Variants in TAS2R1 observed in about 807,000 individuals in gnomAD.
TAS2R1 encodes the protein taste receptor type 2 member 1.
For missense variants in TAS2R1, 370 were observed against 353.4 expected, an observed-to-expected ratio of 1.05 and a Z score of -0.38; for synonymous variants, 141 against 134.2, an observed-to-expected ratio of 1.05 and a Z score of -0.35.
chr5:9,762,837 T>G, the TAS2R1 span, among the ~76,000 whole-genome samples: 2,441 of 152,250 alleles, frequency 0.016, 58 homozygotes, highest in African/African-American at 0.053. Flanking sequence ...ACTTAGGAAA[T>G]TATTCCACTG....
intron 1 of TAS2R1, among the ~76,000 whole-genome samples, chr5:9,688,315 C>G (rs980710289): frequency 6.6e-6 from 1 of 152,170 alleles, no homozygotes; most frequent in African/African-American, 2.4e-5. Context: ...CGCTCCCCCC[C>G]TCAATATTTT....
chr5:9,818,339 C>A, the TAS2R1 span, among the ~76,000 whole-genome samples: 1 of 152,230 alleles, frequency 6.6e-6, no homozygotes, highest in Non-Finnish European at 1.5e-5. Context: ...CATTATCTCT[C>A]TAGAGTATAT....
At chr5:9,879,586 C>A in the TAS2R1 span, among the ~76,000 whole-genome samples, 6 of 152,340 alleles carry the variant, frequency 3.9e-5, no homozygotes, top group Admixed American at 3.9e-4. Context: ...TCAGCATAGG[C>A]AGCTCCAGCA....
At chr5:9,687,368 T>C (rs1741149544) in intron 1 of TAS2R1, among the ~76,000 whole-genome samples, 1 of 152,238 alleles carries the variant, frequency 6.6e-6, no homozygotes, top group African/African-American at 2.4e-5. Context: ...TACATCTGAT[T>C]ATCTTTTGTG....
chr5:9,733,342 G>C, the TAS2R1 span, among the ~76,000 whole-genome samples: 1 of 152,208 alleles, frequency 6.6e-6, no homozygotes, highest in Non-Finnish European at 1.5e-5. Flanking sequence ...AGTTAGGACA[G>C]AGACCAAACA....
intron 1 of TAS2R1, among the ~76,000 whole-genome samples, chr5:9,673,188 G>A (rs916348779): frequency 6.6e-6 from 1 of 152,026 alleles, no homozygotes; most frequent in Non-Finnish European, 1.5e-5. Context: ...CTACCTAGTG[G>A]GTACTACTAT....
the TAS2R1 span, among the ~76,000 whole-genome samples, chr5:9,724,344 CTTTT>C: frequency 1.6e-5 from 2 of 124,662 alleles, no homozygotes; most frequent in East Asian, 2.4e-4. Context: ...ATGTTTCTTT[CTTTT>C]TTTTTTTTTT....
At chr5:9,786,384 G>C in the TAS2R1 span, among the ~76,000 whole-genome samples, 1 of 152,310 alleles carries the variant, frequency 6.6e-6, no homozygotes, top group Non-Finnish European at 1.5e-5. Context: ...GTGTGACTTT[G>C]ATATAGATGC....
At chr5:9,670,840 A>C (rs912881217) in intron 1 of TAS2R1, among the ~76,000 whole-genome samples, 4 of 152,166 alleles carry the variant, frequency 2.6e-5, no homozygotes, top group African/African-American at 9.7e-5. Flanking sequence ...TACAACAAAA[A>C]AAGAAAACTT....
At chr5:9,700,447 C>T (rs964010224) in intron 1 of TAS2R1, among the ~76,000 whole-genome samples, 17 of 152,152 alleles carry the variant, frequency 1.1e-4, no homozygotes, top group Non-Finnish European at 1.9e-4. Flanking sequence ...CTTCACTATC[C>T]TTGCACCCAT....
the TAS2R1 span, among the ~76,000 whole-genome samples, chr5:9,826,367 T>C: frequency 1.3e-5 from 2 of 152,178 alleles, no homozygotes; most frequent in Non-Finnish European, 1.5e-5. Flanking sequence ...GAATTTGACA[T>C]ACAATTATGT....
the TAS2R1 span, among the ~76,000 whole-genome samples, chr5:9,886,252 G>A: frequency 1.3e-5 from 2 of 151,168 alleles, no homozygotes; most frequent in Non-Finnish European, 2.9e-5. Context: ...GGCTGGTCTG[G>A]AACTTCTGAG....
the TAS2R1 span, among the ~76,000 whole-genome samples, chr5:9,862,200 T>A: frequency 6.7e-6 from 1 of 149,972 alleles, no homozygotes; most frequent in African/African-American, 2.4e-5. Context: ...ACGTTAAGTT[T>A]AAAAAAAAAA....
intron 1 of TAS2R1, among the ~76,000 whole-genome samples, chr5:9,686,232 T>G (rs1741122616): frequency 6.6e-6 from 1 of 152,196 alleles, no homozygotes; most frequent in Non-Finnish European, 1.5e-5. Context: ...TTATTAATCT[T>G]ACATCTATTT....
chr5:9,781,261 T>A, the TAS2R1 span, among the ~76,000 whole-genome samples: 1 of 152,196 alleles, frequency 6.6e-6, no homozygotes, highest in Non-Finnish European at 1.5e-5. Context: ...AACTTGATCC[T>A]TCCTGTCCTG....
chr5:9,818,070 A>G, the TAS2R1 span, among the ~76,000 whole-genome samples: 19 of 152,334 alleles, frequency 1.2e-4, no homozygotes, highest in African/African-American at 3.8e-4. Context: ...GAACCAAACC[A>G]TATCAGAGAC....
chr5:9,894,132 G>A, the TAS2R1 span, among the ~76,000 whole-genome samples: 1 of 152,152 alleles, frequency 6.6e-6, no homozygotes, highest in Non-Finnish European at 1.5e-5. Context: ...GCCAGACGTG[G>A]TGGCTCACGC....
At chr5:9,865,609 C>G in the TAS2R1 span, among the ~76,000 whole-genome samples, 1 of 152,166 alleles carries the variant, frequency 6.6e-6, no homozygotes, top group Admixed American at 6.5e-5. Flanking sequence ...TTAGTTTTGA[C>G]TTTTCTGAAA....
At chr5:9,815,055 GTTTAA>G in the TAS2R1 span, among the ~76,000 whole-genome samples, 1 of 152,212 alleles carries the variant, frequency 6.6e-6, no homozygotes, top group African/African-American at 2.4e-5. Context: ...ATGAAATGCT[GTTTAA>G]TTTATTTTCA....
Sources: allele counts gnomAD v4.1 joint callset (sites outside exome capture counted in the v4.1 genomes callset), GRCh38; gene constraint gnomAD v4.1.1; transcripts MANE v1.5; gene names NCBI Gene and HGNC (gene_info 2026-07-23, HGNC 2026-07-21).